The following ALG8 variants were observed in gnomAD, a reference collection of about 807,000 sequenced individuals.
ALG8 encodes dolichyl pyrophosphate Glc1Man9GlcNAc2 alpha-1,3-glucosyltransferase.
Under a neutral mutation model 70.2 loss-of-function variants are expected in ALG8, and 48 were observed. The ratio of observed to expected loss-of-function variants is 0.68; its 90% CI spans 0.54 to 0.87. The LOEUF is 0.87. Ranked by LOEUF, ALG8 falls within the 40% of genes least tolerant of loss-of-function variation. The pLI is 0.00. For missense variants in ALG8, 572 were observed against 608.7 expected, an observed-to-expected ratio of 0.94 and a Z score of 0.64; for synonymous variants, 234 against 229.0, an observed-to-expected ratio of 1.02 and a Z score of -0.20.
intron 7 of ALG8, among the ~76,000 whole-genome samples, chr11:78,113,653 C>A (rs1377946781): frequency 6.8e-6 from 1 of 147,722 alleles, no homozygotes; most frequent in African/African-American, 2.5e-5. Flanking sequence ...GTGGAGGTTG[C>A]AGTGAGCCGA....
intron 5 of ALG8, among the ~76,000 whole-genome samples, chr11:78,118,204 C>G (rs1236330044): frequency 6.6e-6 from 1 of 152,106 alleles, no homozygotes; most frequent in African/African-American, 2.4e-5. Flanking sequence ...TTCCAAATCC[C>G]TTTCTATTAC....
intron 4 of ALG8, among the ~76,000 whole-genome samples, chr11:78,120,852 C>T (rs147121547): frequency 2.0e-5 from 3 of 152,284 alleles, no homozygotes; most frequent in Non-Finnish European, 2.9e-5. Flanking sequence ...AGCTGGTTCT[C>T]ACATATCCCA....
chr11:78,112,966 G>A (rs1860372914), intron 7 of ALG8, among the ~76,000 whole-genome samples, 196 bp from the exon 8 acceptor site: 2 of 152,098 alleles, frequency 1.3e-5, no homozygotes, highest in South Asian at 4.1e-4. Context: ...ACTGTCCAGT[G>A]GGACAATATA....
At position 78,104,065 on chromosome 11, in the gene ALG8, T is replaced by G. The variant is rs775576056; in HGVS notation, c.1277-13A>C. ...TTAATGGGAAGTTCTGTTAAAAGAA[T>G]AGAAAAAAAAAGATAATTTAGCTGA... On this transcript the variant is annotated splice_polypyrimidine_tract_variant and intron_variant, in intron 11 of 12. Coordinates refer to ENST00000299626, the MANE Select transcript of ALG8 (RefSeq NM_024079.5). 1 of 1,445,060 alleles carries G rather than the reference T, an allele frequency of 6.9e-7. No individual in the cohort carries two copies. The highest frequency in any genetic ancestry group is 2.3e-5 in the East Asian group (1 of 43,786). 89.5% of individuals were successfully genotyped at this position (1,445,060 alleles called of 1,614,324 possible).
chr11:78,112,985 T>C (rs1860374219), intron 7 of ALG8, among the ~76,000 whole-genome samples: 1 of 152,158 alleles, frequency 6.6e-6, no homozygotes, highest in African/African-American at 2.4e-5. Flanking sequence ...TACATAAAAA[T>C]ACTCTGAATA....
At position 78,104,317 on chromosome 11, in the gene ALG8, T is replaced by C; in HGVS notation, c.1276+39A>G. On this transcript the variant is annotated intron_variant, in intron 11 of 12. Transcript: ENST00000299626. The stretch of plus-strand genomic sequence containing the variant: ...TCTGTGGGCCTCGATGAAAAGGTTG[T>C]GATAGTCAAATATATTTTTCTCAGA... 3 of 1,515,000 alleles carry C rather than the reference T, an allele frequency of 2.0e-6. No homozygotes were observed. The South Asian group carries it at 3.8e-5, about 19-fold the overall frequency. 93.8% of individuals were successfully genotyped at this position (1,515,000 alleles called of 1,614,324 possible).
At position 78,127,763 on chromosome 11, in the gene ALG8, G is replaced by A. The variant is rs1363009768; in HGVS notation, c.96-327C>T. ...CTCCTTCTGTCACCCAGGCTGGAGT[G>A]TAGTGGACCCATCTCAGCTCACTGC... is the stretch of plus-strand genomic sequence containing the variant. On this transcript the variant is annotated intron_variant, in intron 1 of 12. Transcript: ENST00000299626. 2.7e-5 allele frequency among the ~76,000 whole-genome samples: 4 copies of A among 149,124 alleles called. No homozygotes were observed. The East Asian group carries it at 7.9e-4, about 29-fold the overall frequency.
In ALG8 at chr11:78,119,164, T is replaced by C; in HGVS notation, c.546+18A>G. 6.4e-7 allele frequency: 1 copy of C among 1,572,808 alleles called. No homozygotes were observed. The highest frequency in any genetic ancestry group is 2.2e-5 in the East Asian group (1 of 44,550). ...CTAATCTAAAAGGGAAAAAATCTAA[T>C]TAAACAATTATGTTTACCTGAAATA... On this transcript the variant is annotated intron_variant, in intron 5 of 12. Transcript: ENST00000299626.
At chr11:78,101,893 G>A (rs757019011) in intron 12 of ALG8, among the ~76,000 whole-genome samples, 11 of 152,130 alleles carry the variant, frequency 7.2e-5, no homozygotes, top group Non-Finnish European at 2.9e-5. Flanking sequence ...CCAGACTGGA[G>A]TGCAGTGGTG....
intron 7 of ALG8, 57 bp from the exon 8 acceptor site, chr11:78,112,827 A>C: frequency 1.3e-6 from 2 of 1,591,562 alleles, no homozygotes; most frequent in Admixed American, 3.4e-5. Flanking sequence ...TCAAATTCAA[A>C]AAGAGAACTA....
At chr11:78,108,681 GAA>G (rs1860149834) in intron 9 of ALG8, among the ~76,000 whole-genome samples, 1 of 152,134 alleles carries the variant, frequency 6.6e-6, no homozygotes, top group Admixed American at 6.5e-5. Context: ...GAAATTTTAG[GAA>G]AAATGTTTTA....
At chr11:78,109,419 A>G in intron 9 of ALG8, 23 bp downstream of exon 9, 1 of 1,614,090 alleles carries the variant, frequency 6.2e-7, no homozygotes, top group South Asian at 1.1e-5. Flanking sequence ...TCAAGAAATG[A>G]GCACCATCTG....
At chr11:78,121,382 C>T (rs1000704604) in intron 3 of ALG8, among the ~76,000 whole-genome samples, 1 of 150,084 alleles carries the variant, frequency 6.7e-6, no homozygotes, top group African/African-American at 2.5e-5. Flanking sequence ...TGGGCTCAAG[C>T]AATCCTCCTG....
intron 10 of ALG8, among the ~76,000 whole-genome samples, chr11:78,106,373 A>G (rs941829618): frequency 3.3e-5 from 5 of 151,844 alleles, no homozygotes; most frequent in African/African-American, 1.2e-4. Flanking sequence ...AATTTTTTGT[A>G]TTTTTAGTAG....
At chr11:78,121,827 C>T (rs1041266236) in intron 3 of ALG8, among the ~76,000 whole-genome samples, 3 of 152,108 alleles carry the variant, frequency 2.0e-5, no homozygotes, top group African/African-American at 4.8e-5. Flanking sequence ...TGCAAATGTG[C>T]ACCTCCTGAC....
chr11:78,133,826 C>T (rs1004484833), intron 1 of ALG8, among the ~76,000 whole-genome samples: 15 of 151,508 alleles, frequency 9.9e-5, no homozygotes, highest in East Asian at 2.0e-4. Flanking sequence ...GGTGTGAACC[C>T]GGAAGGTGAG....
At chr11:78,120,484 C>T (rs1860771522) in intron 4 of ALG8, among the ~76,000 whole-genome samples, 1 of 149,342 alleles carries the variant, frequency 6.7e-6, no homozygotes, top group Admixed American at 6.6e-5. Flanking sequence ...TTCATCTACT[C>T]ATGGTTCTAA....
At position 78,104,397 on chromosome 11, in the gene ALG8, G is replaced by C. The variant is rs1859928227; in HGVS notation, c.1235C>G (p.Thr412Arg). Residue 412 changes from threonine (T) to arginine (R), a missense_variant, in exon 11 of 13, where the codon ACA becomes AGA. Thr to Arg is a moderately conservative substitution (Grantham distance 71, BLOSUM62 -1). Transcript: ENST00000299626. The part of the protein sequence containing the change: ...DASIFLILTT[T>R]GHYSLFPLLF... ...CAGAGGAAAGAGGGAATAATGTCCT[G>C]TTGTGGTCAGAATCAGAAAAATCGA... 3.1e-6 allele frequency: 5 copies of C among 1,601,418 alleles called. No individual in the cohort carries two copies. The South Asian group carries it at 3.4e-5, about 11-fold the overall frequency.
chr11:78,120,019 C>T (rs585799), intron 4 of ALG8, among the ~76,000 whole-genome samples: 33,076 of 151,832 alleles, frequency 0.22, 4,460 homozygotes, highest in African/African-American at 0.38. Flanking sequence ...TGAGAATCAC[C>T]TGAACCCAGG....
Sources: allele counts gnomAD v4.1 joint callset (sites outside exome capture counted in the v4.1 genomes callset), GRCh38; gene constraint gnomAD v4.1.1; transcripts MANE v1.5; gene names NCBI Gene and HGNC (gene_info 2026-07-23, HGNC 2026-07-21).